Variants in SH3PXD2A observed in about 807,000 individuals in gnomAD.
SH3PXD2A encodes the protein SH3 and PX domain-containing protein 2A.
A neutral mutation model predicts 115.2 loss-of-function variants in SH3PXD2A; 32 were observed. The observed-to-expected ratio is 0.28, with a 90% confidence interval of 0.21 to 0.37. The LOEUF is 0.37. SH3PXD2A is among the 10% of genes least tolerant of loss of function. The probability of loss-of-function intolerance (pLI) is 1.00; values close to 1 mark genes in which losing one functional copy is unlikely to be tolerated. For synonymous variants in SH3PXD2A, 610 were observed against 629.1 expected (o/e 0.97, Z 0.45); for missense variants, 1,328 against 1,498.7 (o/e 0.89, Z 1.88).
intron 8 of SH3PXD2A, among the ~76,000 whole-genome samples, chr10:103,650,916 C>A (rs1564854070): frequency 6.6e-6 from 1 of 152,236 alleles, no homozygotes. Flanking sequence ...TGCCTCTTGT[C>A]CACGTGCACC....
chr10:103,730,325 T>G (rs556300078), intron 4 of SH3PXD2A, among the ~76,000 whole-genome samples: 2 of 151,614 alleles, frequency 1.3e-5, no homozygotes, highest in Middle Eastern at 3.2e-3. Flanking sequence ...CTGGAAATCT[T>G]GTGGGTAAAA....
At chr10:103,604,042 G>A (rs2036262586) in intron 14 of SH3PXD2A, among the ~76,000 whole-genome samples, 1 of 152,150 alleles carries the variant, frequency 6.6e-6, no homozygotes, top group East Asian at 1.9e-4. Flanking sequence ...CCATGTCTGT[G>A]TTAACAGCCG....
At chr10:103,836,789 A>G (rs1042406555) in intron 1 of SH3PXD2A, among the ~76,000 whole-genome samples, 15 of 152,164 alleles carry the variant, frequency 9.9e-5, no homozygotes, top group African/African-American at 3.6e-4. Flanking sequence ...TTGAAACACC[A>G]TCACAAGAAG....
intron 2 of SH3PXD2A, among the ~76,000 whole-genome samples, chr10:103,797,978 T>C (rs1329135594): frequency 1.3e-5 from 2 of 152,136 alleles, no homozygotes; most frequent in Non-Finnish European, 2.9e-5. Flanking sequence ...CCTCAACTCA[T>C]GACCAGAGAG....
chr10:103,744,534 CT>C (rs979806222), intron 3 of SH3PXD2A, among the ~76,000 whole-genome samples: 7 of 152,336 alleles, frequency 4.6e-5, no homozygotes, highest in African/African-American at 1.7e-4. Flanking sequence ...CAGGTCACCT[CT>C]TCCCCTGCTG....
chr10:103,694,197 A>G (rs1240002450), intron 5 of SH3PXD2A, among the ~76,000 whole-genome samples: 1 of 145,970 alleles, frequency 6.9e-6, no homozygotes, highest in Non-Finnish European at 1.5e-5. Flanking sequence ...CATTTTCCCC[A>G]GGGGCCAAAG....
chr10:103,772,925 T>TA (rs1382787591), intron 2 of SH3PXD2A, among the ~76,000 whole-genome samples: 1 of 152,104 alleles, frequency 6.6e-6, no homozygotes, highest in African/African-American at 2.4e-5. Flanking sequence ...AAATTCCCCT[T>TA]AAAAAGAGAC....
At chr10:103,787,923 AG>A (rs572348815) in intron 2 of SH3PXD2A, among the ~76,000 whole-genome samples, 5 of 152,188 alleles carry the variant, frequency 3.3e-5, no homozygotes, top group Non-Finnish European at 7.4e-5. Flanking sequence ...CACCAGATCA[AG>A]GCTCCATAAT....
In SH3PXD2A at chr10:103,600,212, G is replaced by A. The variant is rs1221788099; in HGVS notation, c.*1604C>T. 6.5e-6 allele frequency: 1 copy of A among 152,734 alleles called. No individual in the cohort carries two copies. Among genetic ancestry groups the A allele is most frequent in the Non-Finnish European group, 1.5e-5 (1 of 68,088 alleles). 9.5% of individuals were successfully genotyped at this position (152,734 alleles called of 1,614,324 possible). ...TGTGGAAATCCACTCCCAGCGAAGG[G>A]GGAGTCCTTGGGGGAAGCCGGCTGG... On this transcript the variant is annotated 3_prime_UTR_variant, in exon 15 of 15. Coordinates refer to ENST00000369774, the MANE Select transcript of SH3PXD2A (RefSeq NM_001394015.1).
rs118088944 is a variant in SH3PXD2A, at chr10:103,655,676, C to T, written c.604+5307G>A. 1.1e-3 allele frequency among the ~76,000 whole-genome samples: 157 copies of T among 149,298 alleles called. 2 individuals carry two copies. The East Asian group carries it at 0.029, about 28-fold the overall frequency. ...TAATCCCAGTTACTCGGGAGGCTGA[C>T]GCAGGAGAATCACTTAATCCTGGGA... On this transcript the variant is annotated intron_variant, in intron 8 of 14. Coordinates refer to ENST00000369774, the MANE Select transcript of SH3PXD2A (RefSeq NM_001394015.1).
chr10:103,718,185 T>G (rs1345965653), intron 5 of SH3PXD2A, among the ~76,000 whole-genome samples: 1 of 151,124 alleles, frequency 6.6e-6, no homozygotes, highest in East Asian at 1.9e-4. Flanking sequence ...TTTTTTCTTT[T>G]TTCTTTTTTT....
chr10:103,775,107 C>CT (rs1361732537), intron 2 of SH3PXD2A, among the ~76,000 whole-genome samples: 1 of 152,194 alleles, frequency 6.6e-6, no homozygotes, highest in Non-Finnish European at 1.5e-5. Context: ...AGTTGGGATG[C>CT]TTTTAGCTGG....
chr10:103,645,074 T>C (rs1435152849), intron 8 of SH3PXD2A, among the ~76,000 whole-genome samples: 1 of 152,184 alleles, frequency 6.6e-6, no homozygotes, highest in East Asian at 1.9e-4. Context: ...CTGACTCCCC[T>C]GCCAGCCAGC....
chr10:103,644,192 G>A (rs1233232309), intron 8 of SH3PXD2A, among the ~76,000 whole-genome samples: 1 of 150,834 alleles, frequency 6.6e-6, no homozygotes, highest in Non-Finnish European at 1.5e-5. Flanking sequence ...CAAGCTCTGA[G>A]GTCTCAACTG....
intron 11 of SH3PXD2A, 69 bp downstream of exon 11, chr10:103,617,128 C>T: frequency 9.1e-7 from 1 of 1,098,514 alleles, no homozygotes; most frequent in East Asian, 2.4e-5. Context: ...GTGGCCATGG[C>T]CACTTTGCAC....
At chr10:103,691,160 G>A (rs1006668936) in intron 6 of SH3PXD2A, among the ~76,000 whole-genome samples, 1 of 152,134 alleles carries the variant, frequency 6.6e-6, no homozygotes, top group South Asian at 2.1e-4. Flanking sequence ...ATTTGCCCAA[G>A]GTCACATAGG....
At position 103,838,983 on chromosome 10, in the gene SH3PXD2A, G is replaced by T. The variant is rs539440856; in HGVS notation, c.72+16212C>A. On this transcript the variant is annotated intron_variant, in intron 1 of 14. Transcript: ENST00000369774. ...CCCCAGCTGCCAGCCCACAGGGAGG[G>T]TGTCCAGAACATCAACATACATACA... is the stretch of plus-strand genomic sequence containing the variant. 6.6e-5 allele frequency among the ~76,000 whole-genome samples: 10 copies of T among 152,308 alleles called. No individual in the cohort carries two copies. In the South Asian group the frequency reaches 2.1e-3, roughly 32 times the overall value.
intron 5 of SH3PXD2A, among the ~76,000 whole-genome samples, chr10:103,710,880 T>C (rs564304213): frequency 2.0e-5 from 3 of 151,622 alleles, no homozygotes; most frequent in Non-Finnish European, 2.9e-5. Context: ...TACAAAAAAT[T>C]TAAAAAATAG....
chr10:103,809,848 CT>C (rs35539727), intron 1 of SH3PXD2A, among the ~76,000 whole-genome samples: 62 of 145,958 alleles, frequency 4.2e-4, no homozygotes, highest in Middle Eastern at 3.5e-3. Flanking sequence ...CCACACTAGG[CT>C]TTTTTTTTTT....
Sources: gnomAD v4.1 joint callset for allele counts (sites outside exome capture counted in the v4.1 genomes callset) on GRCh38, gnomAD v4.1.1 for gene constraint, MANE v1.5 for transcripts, NCBI Gene and HGNC (gene_info 2026-07-23, HGNC 2026-07-21) for gene names.